SOX5: variants seen among roughly 807,000 people sequenced by gnomAD.
SOX5 encodes transcription factor SOX-5.
Under a neutral mutation model 92.0 loss-of-function variants are expected in SOX5, and 9 were observed. That is an observed-to-expected ratio of 0.10 (90% CI 0.06 to 0.17). SOX5 has a LOEUF of 0.17. Among genes scored for constraint, SOX5 ranks in the 10% least tolerant of loss-of-function variants. SOX5 has a pLI of 1.00. For synonymous variants in SOX5, 344 were observed against 336.3 expected (o/e 1.02, Z -0.25); for missense variants, 642 against 944.5 (o/e 0.68, Z 4.20).
chr12:23,929,712 A>G (rs1356502697), intron 1 of SOX5, among the ~76,000 whole-genome samples: 3 of 151,922 alleles, frequency 2.0e-5, no homozygotes, highest in Non-Finnish European at 4.4e-5. Context: ...AATTTTTTTA[A>G]AAAATACGTG....
At chr12:24,212,030 A>G (rs539052721) in intron 4 of SOX5, among the ~76,000 whole-genome samples, 2 of 152,364 alleles carry the variant, frequency 1.3e-5, no homozygotes, top group South Asian at 2.1e-4. Context: ...TTATCAAAGT[A>G]TCATTGAAGA....
intron 1 of SOX5, among the ~76,000 whole-genome samples, chr12:24,474,417 G>T (rs77335756): frequency 0.019 from 2,833 of 152,194 alleles, 95 homozygotes; most frequent in African/African-American, 0.065. Context: ...CCCCCCCACC[G>T]GTGTGATATC....
chr12:23,544,052 T>A (rs1422645194), intron 12 of SOX5, among the ~76,000 whole-genome samples: 1 of 152,238 alleles, frequency 6.6e-6, no homozygotes, highest in African/African-American at 2.4e-5. Flanking sequence ...AACAGTTACA[T>A]TCCTCTAGTT....
intron 4 of SOX5, among the ~76,000 whole-genome samples, chr12:24,099,639 C>G (rs1945841246): frequency 6.6e-6 from 1 of 152,088 alleles, no homozygotes; most frequent in Admixed American, 6.6e-5. Context: ...AAGGAAGCTT[C>G]AGTCTTGGGA....
chr12:23,579,697 T>C (rs752296843), intron 9 of SOX5, among the ~76,000 whole-genome samples: 1 of 152,156 alleles, frequency 6.6e-6, no homozygotes, highest in African/African-American at 2.4e-5. Flanking sequence ...TGTTTTTTAC[T>C]TGTAATTTTA....
chr12:23,917,143 C>G (rs1014388066), intron 1 of SOX5, among the ~76,000 whole-genome samples: 1 of 152,108 alleles, frequency 6.6e-6, no homozygotes, highest in Non-Finnish European at 1.5e-5. Context: ...AACAGATAAT[C>G]ACAATGCTAT....
At chr12:24,356,791 A>C (rs1248030541) in intron 2 of SOX5, among the ~76,000 whole-genome samples, 2 of 152,214 alleles carry the variant, frequency 1.3e-5, no homozygotes, top group Non-Finnish European at 2.9e-5. Context: ...TTTTTAAAAA[A>C]ACCTCTGAAT....
intron 4 of SOX5, among the ~76,000 whole-genome samples, chr12:24,198,598 T>C (rs1957228122): frequency 1.3e-5 from 2 of 152,178 alleles, no homozygotes; most frequent in Admixed American, 1.3e-4. Context: ...ATTAACCCTC[T>C]TCGTTCCACA....
intron 3 of SOX5, among the ~76,000 whole-genome samples, chr12:23,766,708 C>T (rs2094739315): frequency 6.6e-6 from 1 of 151,814 alleles, no homozygotes; most frequent in African/African-American, 2.4e-5. Flanking sequence ...TAAATATTAT[C>T]AACAAAAAAT....
chr12:23,608,232 C>G (rs2137646087), intron 8 of SOX5, among the ~76,000 whole-genome samples: 1 of 150,642 alleles, frequency 6.6e-6, no homozygotes, highest in African/African-American at 2.4e-5. Context: ...TTGACTCTTA[C>G]CTTGAAACTA....
intron 6 of SOX5, among the ~76,000 whole-genome samples, chr12:23,725,100 C>T (rs1394774885): frequency 6.6e-6 from 1 of 152,146 alleles, no homozygotes; most frequent in African/African-American, 2.4e-5. Context: ...CCACAGAAAA[C>T]AGGCAAATGG....
chr12:24,034,871 A>T (rs1955865928), intron 4 of SOX5, among the ~76,000 whole-genome samples: 1 of 152,028 alleles, frequency 6.6e-6, no homozygotes, highest in Non-Finnish European at 1.5e-5. Context: ...GAAACCGTAC[A>T]TTTTTGTTTA....
chr12:24,191,355 T>G (rs1956506037), intron 4 of SOX5, among the ~76,000 whole-genome samples: 1 of 152,174 alleles, frequency 6.6e-6, no homozygotes, highest in African/African-American at 2.4e-5. Flanking sequence ...AATTCTTTGG[T>G]TATCGGGTCT....
intron 1 of SOX5, among the ~76,000 whole-genome samples, chr12:23,945,331 A>C (rs1262626132): frequency 2.6e-5 from 4 of 152,136 alleles, no homozygotes; most frequent in Non-Finnish European, 5.9e-5. Flanking sequence ...TATATTTGAG[A>C]AACATAAGAT....
chr12:23,639,725 G>A (rs1053906013), intron 8 of SOX5, among the ~76,000 whole-genome samples: 1 of 152,200 alleles, frequency 6.6e-6, no homozygotes, highest in South Asian at 2.1e-4. Context: ...AACACAGTAT[G>A]TCTCAGCTTT....
At chr12:24,019,714 AAT>A (rs1440368593) in intron 4 of SOX5, among the ~76,000 whole-genome samples, 1 of 152,174 alleles carries the variant, frequency 6.6e-6, no homozygotes, top group Non-Finnish European at 1.5e-5. Context: ...AACTGTGGTT[AAT>A]TAAATGTGCC....
chr12:23,981,185 C>T (rs995124955), intron 4 of SOX5, among the ~76,000 whole-genome samples: 3 of 152,056 alleles, frequency 2.0e-5, no homozygotes. Context: ...AAGCTACATA[C>T]CTCCCTTAGA....
intron 7 of SOX5, among the ~76,000 whole-genome samples, chr12:23,653,081 T>C (rs928187563): frequency 3.3e-5 from 5 of 151,898 alleles, no homozygotes; most frequent in African/African-American, 4.8e-5. Context: ...GATGGGTGGA[T>C]GGATGCCAGT....
intron 4 of SOX5, among the ~76,000 whole-genome samples, chr12:24,129,061 C>T (rs1949391544): frequency 6.6e-6 from 1 of 152,196 alleles, no homozygotes; most frequent in Admixed American, 6.5e-5. Context: ...TTAACCTACA[C>T]AAACATTCAG....
Sources: allele counts gnomAD v4.1 joint callset (sites outside exome capture counted in the v4.1 genomes callset), GRCh38; gene constraint gnomAD v4.1.1; transcripts MANE v1.5; gene names NCBI Gene and HGNC (gene_info 2026-07-23, HGNC 2026-07-21).